The following GOLM1 variants were observed in gnomAD, a reference collection of about 807,000 sequenced individuals.
GOLM1 encodes the protein epididymis luminal protein 46.
GOLM1 carries 31 observed loss-of-function variants against 50.5 expected under a neutral mutation model. That is an observed-to-expected ratio of 0.61 (90% CI 0.46 to 0.83). The LOEUF (loss-of-function observed/expected upper bound fraction) is 0.83, where lower values mean the gene tolerates loss of function less well. GOLM1 is among the 40% of genes least tolerant of loss of function. The pLI, the probability that GOLM1 is intolerant of heterozygous loss-of-function variation, is 0.00. For missense variants in GOLM1, 491 were observed against 501.3 expected (o/e 0.98, Z 0.20); for synonymous variants, 178 against 192.8 (o/e 0.92, Z 0.64).
Position 86,040,742 on chromosome 9 carries a change from C to T in GOLM1, c.594G>A (p.Gln198=). 1 of 1,609,984 alleles carries T rather than the reference C, an allele frequency of 6.2e-7. No individual in the cohort carries two copies. Among genetic ancestry groups the T allele is most frequent in the Non-Finnish European group, 8.5e-7 (1 of 1,179,026 alleles). The stretch of plus-strand genomic sequence containing the variant: ...TTGGCAAAAATTCCCCAGTTACCTG[C>T]TGTCTCTGGTCGTTGTTTTCACTCA... ...RDLSENNDQR[Q]QLQALSEPQP... is the part of the protein sequence containing the mutation. The change falls in exon 6 of 10, where the codon CAG becomes CAA. Residue 198 remains glutamine (Q), a synonymous_variant. Transcript: ENST00000388712.
chr9:86,086,709 A>G (rs950545024), intron 1 of GOLM1, among the ~76,000 whole-genome samples: 1 of 152,204 alleles, frequency 6.6e-6, no homozygotes, highest in Non-Finnish European at 1.5e-5. Flanking sequence ...TTAAACAGGG[A>G]ATCCTTTCTC....
At chr9:86,063,157 A>T (rs1014884221) in intron 3 of GOLM1, among the ~76,000 whole-genome samples, 12 of 152,230 alleles carry the variant, frequency 7.9e-5, no homozygotes, top group African/African-American at 2.9e-4. Flanking sequence ...CGGGGGCTTG[A>T]AAAGCTCCAG....
chr9:86,099,059 T>G (rs1360428249), intron 1 of GOLM1, among the ~76,000 whole-genome samples: 1 of 152,208 alleles, frequency 6.6e-6, no homozygotes, highest in Non-Finnish European at 1.5e-5. Context: ...GCTTTTGACT[T>G]TGGATGCCGA....
At chr9:86,098,498 A>G (rs1835421364) in intron 1 of GOLM1, among the ~76,000 whole-genome samples, 1 of 152,192 alleles carries the variant, frequency 6.6e-6, no homozygotes, top group Non-Finnish European at 1.5e-5. Context: ...TAATGTGCAT[A>G]ATGTAGGGCC....
intron 9 of GOLM1, among the ~76,000 whole-genome samples, chr9:86,031,454 T>G (rs571135840): frequency 7.1e-6 from 1 of 140,852 alleles, no homozygotes; most frequent in Non-Finnish European, 1.5e-5. Flanking sequence ...CTGAGGTTTT[T>G]TTTTTTTTTT....
chr9:86,074,854 G>A (rs999269768), intron 3 of GOLM1, among the ~76,000 whole-genome samples: 1 of 151,948 alleles, frequency 6.6e-6, no homozygotes, highest in Admixed American at 6.6e-5. Context: ...ACCTCCCTCA[G>A]TGTCTTCCTA....
intron 3 of GOLM1, among the ~76,000 whole-genome samples, chr9:86,055,547 C>A (rs1180339704): frequency 1.3e-5 from 2 of 152,140 alleles, no homozygotes; most frequent in East Asian, 3.9e-4. Context: ...CAGGGGGTCA[C>A]AGATGAATGA....
intron 9 of GOLM1, among the ~76,000 whole-genome samples, chr9:86,030,139 AC>A (rs1832925024): frequency 6.6e-6 from 1 of 150,582 alleles, no homozygotes; most frequent in African/African-American, 2.4e-5. Flanking sequence ...AATCACTTAA[AC>A]CCAGGAGGCG....
At chr9:86,039,198 C>T (rs1249207596) in intron 6 of GOLM1, among the ~76,000 whole-genome samples, 1 of 152,108 alleles carries the variant, frequency 6.6e-6, no homozygotes, top group African/African-American at 2.4e-5. Flanking sequence ...TGAAAAGATG[C>T]TGAATATCAT....
At chr9:86,040,934 T>G in intron 5 of GOLM1, 66 bp from the exon 6 acceptor site, 1 of 1,496,146 alleles carries the variant, frequency 6.7e-7, no homozygotes, top group South Asian at 1.2e-5. Flanking sequence ...GACGGTGACA[T>G]CCACTTCCAT....
At chr9:86,037,231 A>G (rs1354558593) in intron 6 of GOLM1, among the ~76,000 whole-genome samples, 2 of 152,182 alleles carry the variant, frequency 1.3e-5, no homozygotes, top group Non-Finnish European at 2.9e-5. Flanking sequence ...CCTTGCCAAC[A>G]TGGTGAAACC....
chr9:86,040,375 AGACCT>A (rs1434904704), intron 6 of GOLM1, among the ~76,000 whole-genome samples: 1 of 152,222 alleles, frequency 6.6e-6, no homozygotes, highest in Non-Finnish European at 1.5e-5. Context: ...GGAGTCGGCC[AGACCT>A]GAGGTCTTGA....
intron 9 of GOLM1, among the ~76,000 whole-genome samples, chr9:86,029,012 C>T (rs1007583525): frequency 2.0e-5 from 3 of 152,088 alleles, no homozygotes; most frequent in African/African-American, 7.2e-5. Context: ...CCACGCCCGG[C>T]TGATTTCTTT....
At chr9:86,028,627 G>A (rs565087334) in intron 9 of GOLM1, among the ~76,000 whole-genome samples, 3 of 152,312 alleles carry the variant, frequency 2.0e-5, no homozygotes, top group Admixed American at 1.3e-4. Flanking sequence ...AACACAAGCT[G>A]CCTGTGGACA....
intron 1 of GOLM1, among the ~76,000 whole-genome samples, chr9:86,095,031 C>T (rs1295965969): frequency 2.7e-5 from 4 of 148,908 alleles, no homozygotes; most frequent in South Asian, 2.1e-4. Context: ...TTCGGTGAGC[C>T]GAGATAGTGC....
chr9:86,079,254 C>T lies in GOLM1; in HGVS notation c.67G>A (p.Ala23Thr), dbSNP rs1402380188. Residue 23 changes from alanine to threonine, a missense_variant, in exon 2 of 10, where the codon GCC becomes ACC. Ala to Thr is a moderately conservative substitution (Grantham distance 58, BLOSUM62 0). Transcript: ENST00000388712. The stretch of plus-strand genomic sequence containing the variant: ...TTGAAGCCCAAGACGATGATGCAGG[C>T]CACCAGGGCGGCCAGCACGAGGGGC... ...SPPLVLAALV[A>T]CIIVLGFNYW... 1 of 1,610,952 alleles carries T rather than the reference C, an allele frequency of 6.2e-7. No homozygotes were observed. The highest frequency in any genetic ancestry group is 8.5e-7 in the Non-Finnish European group (1 of 1,177,836).
chr9:86,067,769 G>A (rs575926723), intron 3 of GOLM1, among the ~76,000 whole-genome samples: 4 of 152,284 alleles, frequency 2.6e-5, no homozygotes, highest in African/African-American at 7.2e-5. Flanking sequence ...TTGGGAGGCC[G>A]AGGCGGGCGG....
Position 86,036,462 on chromosome 9 carries a change from G to C in GOLM1, c.643C>G (p.Leu215Val). The C allele has an allele frequency of 1.2e-6, 2 of 1,614,096 alleles. No homozygotes were observed. Among genetic ancestry groups the C allele is most frequent in the South Asian group, 1.1e-5 (1 of 91,076 alleles). ...EPQPRLQAAG[L>V]PHTEVPQGKG... ...CCTTGTGGCACCTCTGTGTGTGGCA[G>C]GCCTGCTGCCTGCAGCCTGGGCTGA... is the stretch of plus-strand genomic sequence containing the variant. The change falls in exon 7 of 10, where the codon CTG (leucine) becomes GTG (valine). Residue 215 changes from leucine to valine, a missense_variant. Coordinates refer to ENST00000388712, the MANE Select transcript of GOLM1 (RefSeq NM_016548.4).
At chr9:86,032,970 T>C (rs1223926802) in intron 9 of GOLM1, among the ~76,000 whole-genome samples, 1 of 152,234 alleles carries the variant, frequency 6.6e-6, no homozygotes, top group African/African-American at 2.4e-5. Context: ...ACTGATCAAG[T>C]AGTGACCTAG....
Sources: gnomAD v4.1 joint callset for allele counts (sites outside exome capture counted in the v4.1 genomes callset) on GRCh38, gnomAD v4.1.1 for gene constraint, MANE v1.5 for transcripts, NCBI Gene and HGNC (gene_info 2026-07-23, HGNC 2026-07-21) for gene names.